The following FAR2 variants were observed in gnomAD, a reference collection of about 807,000 sequenced individuals.
The protein encoded by FAR2 is fatty acyl-CoA reductase 2.
A neutral mutation model predicts 56.0 loss-of-function variants in FAR2; 19 were observed. That is an observed-to-expected ratio of 0.34 (90% CI 0.24 to 0.50). The LOEUF (loss-of-function observed/expected upper bound fraction) is 0.50, where lower values mean the gene tolerates loss of function less well. FAR2 is among the 20% of genes least tolerant of loss of function. The probability of loss-of-function intolerance (pLI) is 0.98; values close to 1 mark genes in which losing one functional copy is unlikely to be tolerated. For synonymous variants in FAR2, 219 were observed against 218.8 expected (o/e 1.00, Z -0.01); for missense variants, 508 against 642.2 (o/e 0.79, Z 2.26).
chr12:29,299,029 C>T (rs1300850377), intron 4 of FAR2, among the ~76,000 whole-genome samples: 4 of 151,956 alleles, frequency 2.6e-5, no homozygotes, highest in African/African-American at 9.7e-5. Context: ...GCCTGACCAA[C>T]ATGGTGAAAC....
chr12:29,257,566 A>G (rs1457634824), intron 1 of FAR2, among the ~76,000 whole-genome samples: 19 of 152,156 alleles, frequency 1.2e-4, no homozygotes. Flanking sequence ...TTGGGTCCAC[A>G]CTGCCTTTAT....
chr12:29,181,529 C>T (rs1949991613), intron 1 of FAR2, among the ~76,000 whole-genome samples: 1 of 152,044 alleles, frequency 6.6e-6, no homozygotes, highest in Non-Finnish European at 1.5e-5. Context: ...TCCTCCACTC[C>T]ACTCTCACCA....
intron 1 of FAR2, among the ~76,000 whole-genome samples, chr12:29,177,819 A>G (rs1194203061): frequency 1.6e-5 from 2 of 125,300 alleles, no homozygotes; most frequent in Non-Finnish European, 3.5e-5. Flanking sequence ...TTAAATAGCT[A>G]TTGTAGTATA....
At chr12:29,322,786 A>G (rs1339248831) in intron 10 of FAR2, among the ~76,000 whole-genome samples, 2 of 152,226 alleles carry the variant, frequency 1.3e-5, no homozygotes, top group African/African-American at 2.4e-5. Context: ...ACCAAGTCAC[A>G]CTGGGGAGTA....
chr12:29,242,516 G>A lies in FAR2; in HGVS notation c.-38-27896G>A, dbSNP rs79658000. 5.0e-3 allele frequency among the ~76,000 whole-genome samples: 764 copies of A among 152,294 alleles called. 26 individuals are homozygous for A. In the East Asian group the frequency reaches 0.071, roughly 14 times the overall value. ...GACAGTACAGAGAACTGTTTCCCCA[G>A]GAGCAACTCAAGTCTCACCACCTGC... On this transcript the variant is annotated intron_variant, in intron 1 of 11. Coordinates refer to ENST00000536681, the MANE Select transcript of FAR2 (RefSeq NM_001271783.2).
intron 1 of FAR2, among the ~76,000 whole-genome samples, chr12:29,175,061 T>C (rs943901374): frequency 1.3e-5 from 2 of 152,214 alleles, no homozygotes; most frequent in Admixed American, 1.3e-4. Context: ...ACTCATGTCT[T>C]TAGTCTGGCA....
Position 29,170,749 on chromosome 12 carries a change from CCTCT to C in FAR2, c.-39+21361_-39+21364del, listed in dbSNP as rs57701261. On this transcript the variant is annotated intron_variant, in intron 1 of 11. Transcript: ENST00000536681. The stretch of plus-strand genomic sequence containing the variant: ...TGACTCCTCTTTGTCTCTGTCTCTT[CCTCT>C]CTCTCTCTCTCTCTCTCTGACTTTC... 9.7e-4 allele frequency among the ~76,000 whole-genome samples: 146 copies of C among 150,394 alleles called. 1 individual carries two copies. The highest frequency in any genetic ancestry group is 3.3e-3 in the African/African-American group (135 of 40,912).
intron 1 of FAR2, among the ~76,000 whole-genome samples, chr12:29,160,258 G>A (rs1409833052): frequency 1.3e-5 from 2 of 152,150 alleles, no homozygotes; most frequent in African/African-American, 4.8e-5. Flanking sequence ...GGGATACATA[G>A]GATTTTATAT....
chr12:29,224,130 C>T (rs1947730901), intron 1 of FAR2, among the ~76,000 whole-genome samples: 1 of 152,210 alleles, frequency 6.6e-6, no homozygotes, highest in Non-Finnish European at 1.5e-5. Context: ...GTACTTGGTT[C>T]ACCTTGTGCT....
intron 10 of FAR2, among the ~76,000 whole-genome samples, chr12:29,329,488 G>A (rs551227521): frequency 1.2e-4 from 19 of 152,296 alleles, no homozygotes; most frequent in Middle Eastern, 3.4e-3. Context: ...AAATTCTGGT[G>A]TGGCTCAAAA....
intron 1 of FAR2, among the ~76,000 whole-genome samples, chr12:29,211,437 C>G (rs143312276): frequency 6.6e-6 from 1 of 152,042 alleles, no homozygotes; most frequent in Admixed American, 6.6e-5. Context: ...TATATTTGAC[C>G]GATCATAATG....
rs750548543 is a variant in FAR2 at position 29,316,986 on chromosome 12, T to A, written c.1101T>A (p.Tyr367Ter). 1.2e-6 allele frequency: 2 copies of A among 1,613,678 alleles called. No individual in the cohort carries two copies. The highest frequency in any genetic ancestry group is 1.1e-5 in the South Asian group (1 of 91,060). Residue 367 changes from tyrosine (Y) to a stop codon, truncating the protein, a stop_gained, in exon 9 of 12, where the codon TAT becomes TAA. Coordinates refer to ENST00000536681, the MANE Select transcript of FAR2 (RefSeq NM_001271783.2). LOFTEE classifies it high-confidence loss of function. ...HRAPAIIYDC[Y>*]LRLTGRKPRM... ...CCCCTGCCATTATCTATGACTGCTA[T>A]CTGCGGCTCACTGGAAGGAAGCCCA...
intron 1 of FAR2, among the ~76,000 whole-genome samples, chr12:29,180,537 A>G (rs956746413): frequency 1.3e-5 from 2 of 152,056 alleles, no homozygotes; most frequent in Admixed American, 6.5e-5. Flanking sequence ...AACCTCTTAA[A>G]CTAGTTAGAA....
At chr12:29,270,742 C>A in intron 2 of FAR2, 104 bp downstream of exon 2, 1 of 975,320 alleles carries the variant, frequency 1.0e-6, no homozygotes, top group Non-Finnish European at 1.4e-6. Flanking sequence ...GACCAGGCTA[C>A]CTGCACAGGT....
At chr12:29,317,189 C>G (rs759313112) in intron 9 of FAR2, among the ~76,000 whole-genome samples, 177 bp downstream of exon 9, 1 of 152,302 alleles carries the variant, frequency 6.6e-6, no homozygotes, top group East Asian at 1.9e-4. Flanking sequence ...AAATCCAAAA[C>G]GTTTTGAGTG....
chr12:29,154,833 T>A (rs1277012147), intron 1 of FAR2, among the ~76,000 whole-genome samples: 2 of 152,170 alleles, frequency 1.3e-5, no homozygotes, highest in Non-Finnish European at 2.9e-5. Flanking sequence ...AAACTTGACG[T>A]TGAAATGCTT....
At chr12:29,284,684 C>A (rs1480574603) in intron 2 of FAR2, among the ~76,000 whole-genome samples, 1 of 152,112 alleles carries the variant, frequency 6.6e-6, no homozygotes, top group African/African-American at 2.4e-5. Flanking sequence ...TGGCAGTTCC[C>A]AGAAGGCTTA....
At chr12:29,289,212 C>T (rs1037206817) in intron 2 of FAR2, among the ~76,000 whole-genome samples, 5 of 151,902 alleles carry the variant, frequency 3.3e-5, no homozygotes, top group East Asian at 1.9e-4. Flanking sequence ...TATTTGGAAC[C>T]GCAAAAGACT....
chr12:29,251,593 A>G (rs1342698546), intron 1 of FAR2, among the ~76,000 whole-genome samples: 1 of 152,202 alleles, frequency 6.6e-6, no homozygotes, highest in Non-Finnish European at 1.5e-5. Flanking sequence ...TCCAGAATGC[A>G]TAACTGGAAA....
Sources: gnomAD v4.1 joint callset for allele counts (sites outside exome capture counted in the v4.1 genomes callset) on GRCh38, gnomAD v4.1.1 for gene constraint, MANE v1.5 for transcripts, NCBI Gene and HGNC (gene_info 2026-07-23, HGNC 2026-07-21) for gene names.